PRKCB: variants seen among roughly 807,000 people sequenced by gnomAD.
PRKCB encodes the protein protein kinase C beta.
PRKCB carries 13 observed loss-of-function variants against 81.5 expected under a neutral mutation model. The ratio of observed to expected loss-of-function variants is 0.16; its 90% CI spans 0.10 to 0.25. The LOEUF is 0.25. PRKCB is among the 10% of genes least tolerant of loss of function. PRKCB has a pLI of 1.00. For synonymous variants in PRKCB, 335 were observed against 321.4 expected, an observed-to-expected ratio of 1.04 and a Z score of -0.45; for missense variants, 509 against 875.7, an observed-to-expected ratio of 0.58 and a Z score of 5.29.
rs566492523 is a variant in PRKCB at position 24,157,457 on chromosome 16, C to T, written c.1239+2600C>T. ...GGGACTTTTACCCCACTTCGCTCTG[C>T]ACTTCTCCTTGCTGCTGCCACGTGA... On this transcript the variant is annotated intron_variant, in intron 10 of 16. Coordinates refer to ENST00000643927, the MANE Select transcript of PRKCB (RefSeq NM_002738.7). 5.9e-5 allele frequency among the ~76,000 whole-genome samples: 9 copies of T among 152,126 alleles called. No individual in the cohort carries two copies. The East Asian group carries it at 1.4e-3, about 23-fold the overall frequency.
chr16:24,147,446 A>G (rs563041100), intron 9 of PRKCB, among the ~76,000 whole-genome samples: 67 of 152,278 alleles, frequency 4.4e-4, no homozygotes, highest in Admixed American at 7.8e-4. Flanking sequence ...AAAATTCCCA[A>G]TAGAGCTTGT....
At chr16:24,048,476 CTTTCT>C (rs1231685997) in intron 5 of PRKCB, among the ~76,000 whole-genome samples, 1 of 149,302 alleles carries the variant, frequency 6.7e-6, no homozygotes, top group African/African-American at 2.5e-5. Context: ...ACTTTTACTT[CTTTCT>C]TTTCTTTTCT....
chr16:24,199,863 C>T (rs1281073486), intron 16 of PRKCB, among the ~76,000 whole-genome samples: 1 of 152,158 alleles, frequency 6.6e-6, no homozygotes, highest in East Asian at 1.9e-4. Context: ...GTACACTGCA[C>T]AAGACCCTTG....
intron 2 of PRKCB, among the ~76,000 whole-genome samples, chr16:23,868,171 C>A (rs983367283): frequency 2.6e-5 from 4 of 152,170 alleles, no homozygotes; most frequent in African/African-American, 9.7e-5. Context: ...ATGGCCCCTG[C>A]ACTTTATATT....
rs549479707 is a variant in PRKCB at position 24,219,566 on chromosome 16, C to T, written c.*4750C>T. On this transcript the variant is annotated 3_prime_UTR_variant, in exon 17 of 17. Transcript: ENST00000643927. ...TGCTACTGAATGGTTTTCTCCAGGA[C>T]GCTCTACCTAATGATTATTTCTATA... The T allele has an allele frequency of 6.3e-5, 63 of 994,748 alleles. No homozygotes were observed. The highest frequency in any genetic ancestry group is 1.4e-4 in the South Asian group (3 of 22,182). 61.6% of individuals were successfully genotyped at this position (994,748 alleles called of 1,614,324 possible). A position where few individuals can be genotyped will look rare whatever the true frequency, so the allele number is the denominator to read the frequency against.
chr16:24,191,077 C>G lies in PRKCB; in HGVS notation c.1723-13C>G. ...GAAACTCAGCAAATTCAATGTTTTTCTTTCTCTCGAAGCTGATGACCAAAC... is the reference window on the plus strand; with the variant it reads ...GAAACTCAGCAAATTCAATGTTTTTGTTTCTCTCGAAGCTGATGACCAAAC... On this transcript the variant is annotated splice_polypyrimidine_tract_variant and intron_variant, in intron 15 of 16. Coordinates refer to ENST00000643927, the MANE Select transcript of PRKCB (RefSeq NM_002738.7). The G allele has an allele frequency of 6.2e-7, 1 of 1,609,882 alleles. No individual in the cohort carries two copies. The highest frequency in any genetic ancestry group is 8.5e-7 in the Non-Finnish European group (1 of 1,177,858).
intron 5 of PRKCB, among the ~76,000 whole-genome samples, chr16:24,072,534 G>A (rs1249230313): frequency 1.3e-5 from 2 of 151,680 alleles, no homozygotes; most frequent in African/African-American, 2.4e-5. Context: ...ACAGGTGTAA[G>A]CCACCACAAC....
intron 2 of PRKCB, among the ~76,000 whole-genome samples, chr16:23,979,969 C>G (rs1282232572): frequency 6.6e-6 from 1 of 152,200 alleles, no homozygotes; most frequent in African/African-American, 2.4e-5. Flanking sequence ...CCTGTAGTCC[C>G]ATCTACTCAG....
chr16:24,039,353 C>T (rs557234984), intron 5 of PRKCB, among the ~76,000 whole-genome samples: 5 of 152,260 alleles, frequency 3.3e-5, no homozygotes, highest in African/African-American at 4.8e-5. Flanking sequence ...CTCAGCCTCC[C>T]GAGTGGCTAG....
At chr16:23,848,947 G>A (rs1006581276) in intron 2 of PRKCB, among the ~76,000 whole-genome samples, 1 of 152,182 alleles carries the variant, frequency 6.6e-6, no homozygotes, top group Non-Finnish European at 1.5e-5. Context: ...CAAGATGAAT[G>A]CTCTTGAATC....
At chr16:24,085,022 C>G (rs548516672) in intron 5 of PRKCB, among the ~76,000 whole-genome samples, 2 of 151,960 alleles carry the variant, frequency 1.3e-5, no homozygotes, top group South Asian at 4.2e-4. Context: ...GACATTTAAG[C>G]CACTGGTCAG....
intron 16 of PRKCB, among the ~76,000 whole-genome samples, chr16:24,198,844 C>T (rs745623616): frequency 2.0e-5 from 3 of 152,154 alleles, no homozygotes; most frequent in Non-Finnish European, 4.4e-5. Flanking sequence ...TGATGAGAAG[C>T]AGACGTTAAG....
chr16:23,903,938 C>T (rs1000108803), intron 2 of PRKCB, among the ~76,000 whole-genome samples: 3 of 152,098 alleles, frequency 2.0e-5, no homozygotes, highest in African/African-American at 7.3e-5. Context: ...CACCATAGGC[C>T]CTTATTAAAT....
At chr16:23,927,657 G>A (rs1381529006) in intron 2 of PRKCB, among the ~76,000 whole-genome samples, 4 of 151,918 alleles carry the variant, frequency 2.6e-5, no homozygotes, top group Non-Finnish European at 5.9e-5. Flanking sequence ...GGAGAGAGGT[G>A]GATGGAAGAT....
chr16:23,982,037 CACCTT>C, intron 2 of PRKCB, among the ~76,000 whole-genome samples: 1 of 24,486 alleles, frequency 4.1e-5, no homozygotes, highest in Non-Finnish European at 7.7e-5. Context: ...CCTTTCCCTT[CACCTT>C]CCCCTTCCCT....
intron 2 of PRKCB, among the ~76,000 whole-genome samples, chr16:23,905,819 ATATAT>A (rs1408054854): frequency 6.6e-6 from 1 of 152,158 alleles, no homozygotes; most frequent in Non-Finnish European, 1.5e-5. Flanking sequence ...ATAAGTGGAA[ATATAT>A]TATAGTGTTG....
chr16:24,206,026 GAAAAGC>G (rs1417352491), intron 16 of PRKCB, among the ~76,000 whole-genome samples: 1 of 152,072 alleles, frequency 6.6e-6, no homozygotes, highest in African/African-American at 2.4e-5. Flanking sequence ...TGAAAATTAA[GAAAAGC>G]AAGAGCAAAA....
At chr16:24,214,548 G>A (rs1052576304) in intron 16 of PRKCB, 110 bp from the exon 17 acceptor site, 4 of 842,874 alleles carry the variant, frequency 4.7e-6, no homozygotes, top group Middle Eastern at 2.3e-4. Context: ...TTCTGAAAGG[G>A]AAGGGAATGG....
Position 24,155,890 on chromosome 16 carries a change from C to T in PRKCB, c.1239+1033C>T, listed in dbSNP as rs757704039. Among the ~76,000 whole-genome samples, 16 of 152,150 alleles carry T rather than the reference C, an allele frequency of 1.1e-4. 1 individual carries two copies. Among genetic ancestry groups the T allele is most frequent in the Non-Finnish European group, 2.1e-4 (14 of 68,024 alleles). On this transcript the variant is annotated intron_variant, in intron 10 of 16. Coordinates refer to ENST00000643927, the MANE Select transcript of PRKCB (RefSeq NM_002738.7). ...CATGTTTCCTCTGTCTTCTGTATTT[C>T]GTGCAATTGGCAGCTGGTTCTGGAG...
Sources: gnomAD v4.1 joint callset for allele counts (sites outside exome capture counted in the v4.1 genomes callset) on GRCh38, gnomAD v4.1.1 for gene constraint, MANE v1.5 for transcripts, NCBI Gene and HGNC (gene_info 2026-07-23, HGNC 2026-07-21) for gene names.